FAAH2: variants seen among roughly 807,000 people sequenced by gnomAD.
The protein encoded by FAAH2 is fatty acid amide hydrolase 2, also known as fatty-acid amide hydrolase 2.
Under a neutral mutation model 36.9 loss-of-function variants are expected in FAAH2, and 60 were observed. The ratio of observed to expected loss-of-function variants is 1.63; its 90% CI spans 1.32 to 2.02. The LOEUF is 2.02. Ranked by LOEUF, FAAH2 falls within the 30% of genes most tolerant of loss-of-function variation. The probability of loss-of-function intolerance (pLI) is 0.00; values close to 1 mark genes in which losing one functional copy is unlikely to be tolerated. For synonymous variants in FAAH2, 214 were observed against 143.8 expected (o/e 1.49, Z -3.49); for missense variants, 689 against 397.5 (o/e 1.73, Z -6.23).
At chrX:57,463,054 A>T (rs932393183) in intron 10 of FAAH2, among the ~76,000 whole-genome samples, 3 of 111,897 alleles carry the variant, frequency 2.7e-5, no homozygotes, top group Non-Finnish European at 5.6e-5. Flanking sequence ...ACTCCTATTC[A>T]CAATTGCTAC....
At chrX:57,200,686 C>A in the FAAH2 span, among the ~76,000 whole-genome samples, 2 of 111,593 alleles carry the variant, frequency 1.8e-5, no homozygotes, top group African/African-American at 6.5e-5. Flanking sequence ...CTCATCCTTC[C>A]ACTGTTTAAT....
chrX:57,160,426 T>A, the FAAH2 span, among the ~76,000 whole-genome samples: 1 of 112,106 alleles, frequency 8.9e-6, no homozygotes. Context: ...TATCAGCTCC[T>A]CCTTGAACCT....
intron 1 of FAAH2, among the ~76,000 whole-genome samples, chrX:57,288,970 T>A (rs915112906): frequency 9.0e-6 from 1 of 111,049 alleles, no homozygotes. Context: ...TATCCCTTAG[T>A]TTCTGACATT....
intron 5 of FAAH2, among the ~76,000 whole-genome samples, chrX:57,368,439 C>G (rs1227042424): frequency 3.6e-5 from 4 of 111,005 alleles, no homozygotes; most frequent in Non-Finnish European, 7.5e-5. Context: ...AGCAGACAAG[C>G]AGAGGACCAG....
the FAAH2 span, among the ~76,000 whole-genome samples, chrX:57,127,804 T>C: frequency 2.7e-5 from 3 of 111,407 alleles, no homozygotes; most frequent in Non-Finnish European, 5.7e-5. Flanking sequence ...AAATCCCTGG[T>C]ATGTATTCTT....
At chrX:57,414,469 A>G (rs1364535346) in intron 7 of FAAH2, among the ~76,000 whole-genome samples, 1 of 111,847 alleles carries the variant, frequency 8.9e-6, no homozygotes, top group Non-Finnish European at 1.9e-5. Context: ...ATCGATTCAG[A>G]TAATCATGTG....
the FAAH2 span, among the ~76,000 whole-genome samples, chrX:57,245,941 GT>G: frequency 1.7e-4 from 19 of 110,577 alleles, no homozygotes; most frequent in Non-Finnish European, 3.0e-4. Flanking sequence ...TCCAGGAGCT[GT>G]TTTTTTTAAA....
the FAAH2 span, among the ~76,000 whole-genome samples, chrX:57,200,662 C>T: frequency 2.2e-4 from 25 of 111,654 alleles, no homozygotes; most frequent in Non-Finnish European, 4.5e-4. Flanking sequence ...AAGGCATGAG[C>T]CACTGCGCCC....
chrX:57,188,531 A>T, the FAAH2 span, among the ~76,000 whole-genome samples: 1 of 109,468 alleles, frequency 9.1e-6, no homozygotes, highest in African/African-American at 3.3e-5. Context: ...GATTTTTTGA[A>T]AGGTGTTTCG....
chrX:57,402,606 A>G (rs2055465609), intron 7 of FAAH2, among the ~76,000 whole-genome samples: 1 of 112,100 alleles, frequency 8.9e-6, no homozygotes, highest in Non-Finnish European at 1.9e-5. Flanking sequence ...TTAGCCTTCA[A>G]TAGAGTCAGG....
chrX:57,299,768 C>T (rs2052281798), intron 2 of FAAH2, among the ~76,000 whole-genome samples: 1 of 111,998 alleles, frequency 8.9e-6, no homozygotes, highest in Non-Finnish European at 1.9e-5. Flanking sequence ...TCTCAGGATA[C>T]AAAATCAATG....
chrX:57,393,956 A>G (rs879199078), intron 7 of FAAH2: 1 of 832,774 alleles, frequency 1.2e-6, no homozygotes, highest in South Asian at 2.0e-5. Context: ...TAGTCTGTTT[A>G]ACCTTTGTAT....
At chrX:57,418,804 C>T (rs758605767) in intron 7 of FAAH2, among the ~76,000 whole-genome samples, 86 of 107,949 alleles carry the variant, frequency 8.0e-4, no homozygotes, top group African/African-American at 2.4e-3. Context: ...TGTGCCATGC[C>T]GGTGTGCTGC....
intron 2 of FAAH2, among the ~76,000 whole-genome samples, chrX:57,302,153 G>C (rs190002896): frequency 9.0e-6 from 1 of 111,536 alleles, no homozygotes; most frequent in East Asian, 2.8e-4. Context: ...GGGAGCCCTA[G>C]AGTCCAGAGA....
chrX:57,464,214 C>A (rs926961661), intron 10 of FAAH2, among the ~76,000 whole-genome samples: 1 of 110,805 alleles, frequency 9.0e-6, no homozygotes, highest in East Asian at 2.8e-4. Flanking sequence ...AATAAGAAGA[C>A]ACACACACAG....
chrX:57,231,907 C>G, the FAAH2 span, among the ~76,000 whole-genome samples: 20 of 111,602 alleles, frequency 1.8e-4, no homozygotes, highest in Non-Finnish European at 3.4e-4. Context: ...ACCAAGCATG[C>G]TTTTGGTGGG....
chrX:57,408,482 G>A (rs1011939863), intron 7 of FAAH2, among the ~76,000 whole-genome samples: 1 of 110,984 alleles, frequency 9.0e-6, no homozygotes. Context: ...TTTTACGTAT[G>A]AGAACATGTC....
intron 7 of FAAH2, among the ~76,000 whole-genome samples, chrX:57,384,174 C>G (rs1270867056): frequency 1.8e-5 from 2 of 109,445 alleles, no homozygotes; most frequent in East Asian, 5.7e-4. Context: ...AAAATTAATT[C>G]AAGATGGATT....
At chrX:57,157,068 T>C in the FAAH2 span, among the ~76,000 whole-genome samples, 1 of 112,196 alleles carries the variant, frequency 8.9e-6, no homozygotes, top group Non-Finnish European at 1.9e-5. Flanking sequence ...ATTGGAAGCT[T>C]CAGTATTTGA....
Sources: gnomAD v4.1 joint callset for allele counts (sites outside exome capture counted in the v4.1 genomes callset) on GRCh38, gnomAD v4.1.1 for gene constraint, MANE v1.5 for transcripts, NCBI Gene and HGNC (gene_info 2026-07-23, HGNC 2026-07-21) for gene names.